Variants in MRPL45 observed in about 807,000 individuals in gnomAD.
MRPL45 encodes large ribosomal subunit protein mL45.
MRPL45 carries 20 observed loss-of-function variants against 38.1 expected under a neutral mutation model. That is an observed-to-expected ratio of 0.53 (90% CI 0.37 to 0.76). The LOEUF is 0.76. Among genes scored for constraint, MRPL45 ranks in the 30% least tolerant of loss-of-function variants. The pLI is 0.00. For missense variants in MRPL45, 337 were observed against 395.6 expected (o/e 0.85, Z 1.26); for synonymous variants, 105 against 128.8 (o/e 0.82, Z 1.25).
chr17:38,297,386 G>A (rs1212055765), intron 1 of MRPL45, 137 bp downstream of exon 1: 1 of 804,166 alleles, frequency 1.2e-6, no homozygotes, highest in Non-Finnish European at 2.1e-6. Context: ...GGCTTAGGTG[G>A]ACAGGACCTA....
intron 4 of MRPL45, among the ~76,000 whole-genome samples, chr17:38,311,101 T>G (rs2037107485): frequency 6.6e-6 from 1 of 152,178 alleles, no homozygotes; most frequent in Non-Finnish European, 1.5e-5. Flanking sequence ...TGTTGTACAA[T>G]TCTTACCACT....
At chr17:38,320,528 A>T in intron 5 of MRPL45, 90 bp from the exon 6 acceptor site, 2 of 1,351,050 alleles carry the variant, frequency 1.5e-6, no homozygotes, top group Non-Finnish European at 2.1e-6. Context: ...TGTTGGCTGT[A>T]GTCTTGCAGG....
At chr17:38,302,603 G>C (rs1010382931) in intron 3 of MRPL45, among the ~76,000 whole-genome samples, 1 of 150,690 alleles carries the variant, frequency 6.6e-6, no homozygotes, top group East Asian at 1.9e-4. Context: ...AAGGCTTTGA[G>C]GTTAAAAGAG....
intron 4 of MRPL45, among the ~76,000 whole-genome samples, chr17:38,313,346 A>G (rs1333332752): frequency 5.3e-5 from 1 of 19,004 alleles, no homozygotes; most frequent in Non-Finnish European, 9.5e-5. Context: ...ATATATATAT[A>G]CGTATATATA....
At position 38,322,168 on chromosome 17, in the gene MRPL45, C is replaced by T; in HGVS notation, c.703C>T (p.Gln235Ter). The change falls in exon 7 of 8, where the codon CAG (glutamine) becomes TAG (stop). Residue 235 changes from glutamine to a stop codon, truncating the protein, a stop_gained. Transcript: ENST00000613675. LOFTEE classifies it high-confidence loss of function. ...CCGGTTTGGCCGGTTGATGTATGGACAGGAAGATGTACCCAAGGATGTCCT... is the reference window on the plus strand; with the variant it reads ...CCGGTTTGGCCGGTTGATGTATGGATAGGAAGATGTACCCAAGGATGTCCT... Reference protein sequence around the residue: ...YDRFGRLMYGQEDVPKDVLEY... With the variant: ...YDRFGRLMYG The T allele has an allele frequency of 1.9e-6, 3 of 1,614,114 alleles. No homozygotes were observed. The highest frequency in any genetic ancestry group is 2.5e-6 in the Non-Finnish European group (3 of 1,180,012).
intron 4 of MRPL45, among the ~76,000 whole-genome samples, chr17:38,313,549 T>C (rs1597652873): frequency 2.0e-5 from 3 of 150,320 alleles, no homozygotes; most frequent in Middle Eastern, 6.8e-3. Flanking sequence ...GGCATCCTCA[T>C]GGGTGTGAAG....
chr17:38,307,584 A>G (rs538253533), intron 4 of MRPL45, among the ~76,000 whole-genome samples: 4 of 151,960 alleles, frequency 2.6e-5, no homozygotes, highest in African/African-American at 9.6e-5. Context: ...GGCTCAAGCA[A>G]TCCTCCTGCC....
intron 1 of MRPL45, among the ~76,000 whole-genome samples, chr17:38,297,507 A>T (rs1357410198): frequency 2.6e-5 from 4 of 151,984 alleles, no homozygotes; most frequent in African/African-American, 9.7e-5. Context: ...TGGCGAGGAG[A>T]TATTAAAGGA....
intron 4 of MRPL45, among the ~76,000 whole-genome samples, chr17:38,316,568 G>C (rs1304859312): frequency 1.3e-5 from 2 of 151,424 alleles, no homozygotes; most frequent in Non-Finnish European, 2.9e-5. Flanking sequence ...CAGTACTTTG[G>C]GAGGCCGAGG....
In MRPL45 at chr17:38,303,646, T is replaced by G. The variant is rs532919767; in HGVS notation, c.363-2887T>G. On this transcript the variant is annotated intron_variant, in intron 3 of 7. Transcript: ENST00000613675. Reference sequence around the variant, plus strand: ...TTTTCAAGAAATCCCTCCTGGAGTCTTCTTACCTGTTTTAATCTGGACTAG... The same window carrying G: ...TTTTCAAGAAATCCCTCCTGGAGTCGTCTTACCTGTTTTAATCTGGACTAG... Among the ~76,000 whole-genome samples the G allele has an allele frequency of 2.6e-5, 4 of 152,130 alleles. No individual in the cohort carries two copies. The East Asian group carries it at 7.7e-4, about 29-fold the overall frequency.
chr17:38,313,507 C>G (rs1350711269), intron 4 of MRPL45, among the ~76,000 whole-genome samples: 1 of 148,610 alleles, frequency 6.7e-6, no homozygotes, highest in African/African-American at 2.5e-5. Flanking sequence ...CAGGTGTGAG[C>G]CACCATGCCC....
At chr17:38,302,759 C>G (rs1306809076) in intron 3 of MRPL45, among the ~76,000 whole-genome samples, 2 of 150,834 alleles carry the variant, frequency 1.3e-5, no homozygotes, top group African/African-American at 4.9e-5. Context: ...GAGTCTTGCT[C>G]TGTTACCCAG....
intron 4 of MRPL45, among the ~76,000 whole-genome samples, chr17:38,308,735 C>T (rs144637188): frequency 2.6e-5 from 4 of 152,076 alleles, no homozygotes; most frequent in East Asian, 1.9e-4. Context: ...CCAACGCGCC[C>T]GGCCTAATTT....
chr17:38,313,828 A>G (rs1009645275), intron 4 of MRPL45, among the ~76,000 whole-genome samples: 15 of 150,912 alleles, frequency 9.9e-5, no homozygotes, highest in Admixed American at 9.9e-4. Context: ...ATGCCCAGCT[A>G]ATTTTTGTAG....
chr17:38,305,908 G>T (rs1372598758), intron 3 of MRPL45, among the ~76,000 whole-genome samples: 1 of 151,946 alleles, frequency 6.6e-6, no homozygotes, highest in Non-Finnish European at 1.5e-5. Flanking sequence ...CTCCCAAAGT[G>T]CTGGGATTAC....
chr17:38,305,468 C>CA (rs570891836), intron 3 of MRPL45, among the ~76,000 whole-genome samples: 8,792 of 112,308 alleles, frequency 0.078, 880 homozygotes, highest in African/African-American at 0.25. Flanking sequence ...GACTCTGTCT[C>CA]AAAAAAAAAA....
At chr17:38,317,234 A>G (rs2037183264) in intron 4 of MRPL45, among the ~76,000 whole-genome samples, 1 of 152,232 alleles carries the variant, frequency 6.6e-6, no homozygotes, top group South Asian at 2.1e-4. Flanking sequence ...GAGTTCACTC[A>G]GAGGTGCCAG....
At chr17:38,302,873 C>T (rs575094438) in intron 3 of MRPL45, among the ~76,000 whole-genome samples, 1,739 of 148,546 alleles carry the variant, frequency 0.012, 20 homozygotes, top group African/African-American at 0.039. Flanking sequence ...TACAGGTGTG[C>T]GCCACCATGC....
chr17:38,302,892 T>G (rs1399055179), intron 3 of MRPL45, among the ~76,000 whole-genome samples: 1 of 149,090 alleles, frequency 6.7e-6, no homozygotes, highest in Non-Finnish European at 1.5e-5. Flanking sequence ...GCCCCACTGA[T>G]TTTTGTATTT....
Sources: allele counts gnomAD v4.1 joint callset (sites outside exome capture counted in the v4.1 genomes callset), GRCh38; gene constraint gnomAD v4.1.1; transcripts MANE v1.5; gene names NCBI Gene and HGNC (gene_info 2026-07-23, HGNC 2026-07-21).